CELF2: variants seen among roughly 807,000 people sequenced by gnomAD.
CELF2 encodes CUG triplet repeat RNA-binding protein 2.
A neutral mutation model predicts 62.6 loss-of-function variants in CELF2; 8 were observed. The observed-to-expected ratio is 0.13, with a 90% CI of 0.07 to 0.23. The LOEUF (loss-of-function observed/expected upper bound fraction) is 0.23, where lower values mean the gene tolerates loss of function less well. Among genes scored for constraint, CELF2 ranks in the 10% least tolerant of loss-of-function variants. The probability of loss-of-function intolerance (pLI) is 1.00; values close to 1 mark genes in which losing one functional copy is unlikely to be tolerated. For missense variants in CELF2, 333 were observed against 671.0 expected (o/e 0.50, Z 5.56); for synonymous variants, 258 against 250.0 (o/e 1.03, Z -0.30).
chr10:10,578,449 T>C, the CELF2 span, among the ~76,000 whole-genome samples: 3 of 152,210 alleles, frequency 2.0e-5, no homozygotes, highest in South Asian at 6.2e-4. Context: ...GCCTATGTCC[T>C]GAATGGTGTT....
intron 1 of CELF2, among the ~76,000 whole-genome samples, chr10:11,109,827 C>A (rs542870154): frequency 6.6e-6 from 1 of 152,304 alleles, no homozygotes; most frequent in African/African-American, 2.4e-5. Context: ...TTCCCTTCCT[C>A]TCTCCCCGCC....
chr10:11,287,802 C>T (rs552763179), intron 8 of CELF2, among the ~76,000 whole-genome samples: 1 of 152,232 alleles, frequency 6.6e-6, no homozygotes, highest in African/African-American at 2.4e-5. Flanking sequence ...TTGCTTTCAT[C>T]ATCTTATTTA....
At chr10:10,552,041 T>A in the CELF2 span, among the ~76,000 whole-genome samples, 1 of 151,798 alleles carries the variant, frequency 6.6e-6, no homozygotes, top group Non-Finnish European at 1.5e-5. Flanking sequence ...TGGAACATAA[T>A]GCACAGTGTG....
rs1035046344 is a variant in CELF2 at position 11,318,411 on chromosome 10, G to C, written c.1097-2778G>C. The C allele has an allele frequency of 4.3e-5, 12 of 276,772 alleles. No individual in the cohort carries two copies. Among genetic ancestry groups the C allele is most frequent in the Non-Finnish European group, 7.8e-5 (11 of 141,476 alleles). The allele number at this position is 276,772 out of a possible 1,614,324, so 17.1% of individuals were successfully genotyped here. A position where few individuals can be genotyped will look rare whatever the true frequency, so the allele number is the denominator to read the frequency against. On this transcript the variant is annotated intron_variant, in intron 10 of 12. Transcript: ENST00000633077. This position sits in a 1 kb window ranked among gnomAD's most constrained non-coding sequence, Gnocchi z 5.4. ...TCCCCCTTGAGCATCTGCATCCCTTGCTCATGGTACCGCCTCTGCCACCTC... is the reference window on the plus strand; with the variant it reads ...TCCCCCTTGAGCATCTGCATCCCTTCCTCATGGTACCGCCTCTGCCACCTC...
At chr10:10,698,746 A>G in the CELF2 span, among the ~76,000 whole-genome samples, 2 of 152,250 alleles carry the variant, frequency 1.3e-5, no homozygotes, top group Non-Finnish European at 2.9e-5. Context: ...CAAACAAATC[A>G]TGAAAGACAG....
At chr10:11,126,154 T>C (rs528595425) in intron 1 of CELF2, among the ~76,000 whole-genome samples, 1 of 152,366 alleles carries the variant, frequency 6.6e-6, no homozygotes, top group African/African-American at 2.4e-5. Context: ...TTTACGATGA[T>C]TAATGTTTTC....
At position 10,957,906 on chromosome 10, in the gene CELF2, C is replaced by T. The variant is rs1050275859; in HGVS notation, c.89+37907C>T. Among the ~76,000 whole-genome samples the T allele has an allele frequency of 1.3e-5, 2 of 152,026 alleles. No individual in the cohort carries two copies. Among genetic ancestry groups the T allele is most frequent in the Admixed American group, 6.6e-5 (1 of 15,260 alleles). On this transcript the variant is annotated intron_variant, in intron 2 of 13. Coordinates refer to the CELF2 transcript ENST00000636488. The surrounding 1 kb of genome is among the most constrained non-coding windows in gnomAD (Gnocchi z 4.1). ...GCACTTGAATCACTTCAGATTGTTT[C>T]GAAGAAAATCATTTTATGTCACCAT...
At chr10:10,859,714 A>C (rs2133082122) in intron 1 of CELF2, among the ~76,000 whole-genome samples, 1 of 152,290 alleles carries the variant, frequency 6.6e-6, no homozygotes, top group East Asian at 1.9e-4. Context: ...ACATTATGCC[A>C]CTAGGTTTTC....
the CELF2 span, among the ~76,000 whole-genome samples, chr10:10,594,775 G>A: frequency 7.9e-3 from 1,203 of 152,272 alleles, 12 homozygotes; most frequent in Middle Eastern, 0.041. Context: ...GTCACTAGAA[G>A]AATTCATCTC....
intron 2 of CELF2, among the ~76,000 whole-genome samples, chr10:11,216,162 C>G (rs1321805555): frequency 6.6e-6 from 1 of 152,098 alleles, no homozygotes; most frequent in Non-Finnish European, 1.5e-5. Context: ...TCTACCTTGT[C>G]CAAAAGGCAA....
chr10:10,533,640 C>A, the CELF2 span, among the ~76,000 whole-genome samples: 1 of 152,202 alleles, frequency 6.6e-6, no homozygotes, highest in African/African-American at 2.4e-5. Flanking sequence ...GGGCGAATGG[C>A]TTAATCACTT....
chr10:10,543,530 A>T, the CELF2 span, among the ~76,000 whole-genome samples: 1 of 152,308 alleles, frequency 6.6e-6, no homozygotes, highest in East Asian at 1.9e-4. Context: ...GCTGTGCACC[A>T]GCTCTGTGCA....
At chr10:10,722,417 T>C in the CELF2 span, among the ~76,000 whole-genome samples, 1 of 152,176 alleles carries the variant, frequency 6.6e-6, no homozygotes, top group Non-Finnish European at 1.5e-5. Context: ...AGGTAAGAAA[T>C]ACCTGTAGAC....
At position 11,304,166 on chromosome 10, in the gene CELF2, T is replaced by C. The variant is rs534254659; in HGVS notation, c.977-9973T>C. Among the ~76,000 whole-genome samples, 3 of 152,280 alleles carry C rather than the reference T, an allele frequency of 2.0e-5. No homozygotes were observed. The East Asian group carries it at 5.8e-4, about 29-fold the overall frequency. On this transcript the variant is annotated intron_variant, in intron 9 of 12. Coordinates refer to ENST00000633077, the MANE Select transcript of CELF2 (RefSeq NM_001326342.2). ...GGGTCAAGGTGTCAGCAGGGTGTGTTCCTTCTGGAGGCTCTCGGGGTAAAT... is the reference window on the plus strand; with the variant it reads ...GGGTCAAGGTGTCAGCAGGGTGTGTCCCTTCTGGAGGCTCTCGGGGTAAAT...
At chr10:10,734,729 A>G in the CELF2 span, among the ~76,000 whole-genome samples, 2 of 152,302 alleles carry the variant, frequency 1.3e-5, no homozygotes, top group Admixed American at 6.5e-5. Context: ...TTGTGGTCAT[A>G]ATACTTCACT....
chr10:10,500,537 C>T, the CELF2 span, among the ~76,000 whole-genome samples: 193 of 152,228 alleles, frequency 1.3e-3, 1 homozygote, highest in African/African-American at 3.9e-3. Context: ...TCTTGCCTGC[C>T]GCCATGTAAG....
At chr10:10,500,819 A>G in the CELF2 span, among the ~76,000 whole-genome samples, 11 of 152,340 alleles carry the variant, frequency 7.2e-5, no homozygotes, top group Admixed American at 3.3e-4. Flanking sequence ...TCCTTAAGCC[A>G]TGGCAGTCAG....
At chr10:10,960,904 C>T (rs1420143587) in intron 2 of CELF2, among the ~76,000 whole-genome samples, 1 of 152,188 alleles carries the variant, frequency 6.6e-6, no homozygotes, top group African/African-American at 2.4e-5. Context: ...TAGCCGTGCC[C>T]CTAGACGGAA....
the CELF2 span, among the ~76,000 whole-genome samples, chr10:10,554,123 T>A: frequency 6.6e-6 from 1 of 152,044 alleles, no homozygotes; most frequent in South Asian, 2.1e-4. Context: ...TGAGCATGTG[T>A]CAGCTGATAT....
Sources: gnomAD v4.1 joint callset for allele counts (sites outside exome capture counted in the v4.1 genomes callset) on GRCh38, gnomAD v4.1.1 for gene constraint, Gnocchi (gnomAD v3.1) non-coding constraint, MANE v1.5 for transcripts, NCBI Gene and HGNC (gene_info 2026-07-23, HGNC 2026-07-21) for gene names.